Variants in ACSF3 observed in about 807,000 individuals in gnomAD.
ACSF3 encodes acyl-CoA synthetase family member 3.
A neutral mutation model predicts 53.2 loss-of-function variants in ACSF3; 78 were observed. The observed-to-expected ratio is 1.47, with a 90% CI of 1.22 to 1.77. The LOEUF is 1.77. Among genes scored for constraint, ACSF3 ranks in the 40% most tolerant of loss-of-function variants. The pLI is 0.00. For missense variants in ACSF3, 937 were observed against 771.1 expected (o/e 1.22, Z -2.55); for synonymous variants, 414 against 333.1 (o/e 1.24, Z -2.65).
chr16:89,099,071 C>T (rs574496019), intron 2 of ACSF3, among the ~76,000 whole-genome samples: 8 of 152,388 alleles, frequency 5.2e-5, no homozygotes, highest in African/African-American at 1.9e-4. Flanking sequence ...CCTATTCTTA[C>T]TGTGAGTCGA....
At chr16:89,154,014 GTACTGCTGGGCGCCTGAGTTCC>G in intron 10 of ACSF3, 54 bp from the exon 11 acceptor site, 1 of 1,482,544 alleles carries the variant, frequency 6.7e-7, no homozygotes, top group African/African-American at 1.4e-5. Context: ...GCACCTGTCC[GTACTGCTGGGCGCCTGAGTTCC>G]TCCTGCTGGG....
intron 9 of ACSF3, 102 bp from the exon 10 acceptor site, chr16:89,145,836 G>C: frequency 9.8e-7 from 1 of 1,022,078 alleles, no homozygotes; most frequent in Non-Finnish European, 1.6e-6. Flanking sequence ...CGGGCTCCAG[G>C]GCTGCGGCCA....
intron 1 of ACSF3, among the ~76,000 whole-genome samples, chr16:89,094,387 C>T (rs991855583): frequency 3.3e-5 from 5 of 152,230 alleles, no homozygotes; most frequent in African/African-American, 9.6e-5. Flanking sequence ...TAGTTGTTTG[C>T]TGCGTGCACC....
intron 7 of ACSF3, among the ~76,000 whole-genome samples, chr16:89,132,717 C>G (rs1734376704): frequency 6.6e-6 from 1 of 152,252 alleles, no homozygotes; most frequent in Non-Finnish European, 1.5e-5. Flanking sequence ...CTGCTGTGTT[C>G]CCTGGTTTGA....
chr16:89,113,812 G>T (rs1567701867), intron 5 of ACSF3: 1 of 238,732 alleles, frequency 4.2e-6, no homozygotes, highest in African/African-American at 2.3e-5. Context: ...TCTGCGGGTG[G>T]TTCTGAGCCC....
rs1162854474 is a variant in ACSF3, at chr16:89,136,594, GGA to G, written c.1366+3333_1366+3334del. 3.1e-6 allele frequency: 4 copies of G among 1,285,310 alleles called. No individual in the cohort carries two copies. In the African/African-American group the frequency reaches 6.1e-5, roughly 20 times the overall value. The allele number at this position is 1,285,310 out of a possible 1,614,324, so 79.6% of individuals were successfully genotyped here. A position where few individuals can be genotyped will look rare whatever the true frequency, so the allele number is the denominator to read the frequency against. On this transcript the variant is annotated intron_variant, in intron 8 of 10. Coordinates refer to ENST00000614302, the MANE Select transcript of ACSF3 (RefSeq NM_001243279.3). ...TCTGGCATAAGCCGGCGGGCACAGG[GGA>G]CAGCCAGGGATGGCTGGACACAGCT...
In ACSF3 at chr16:89,154,186, C is replaced by G. The variant is rs753754672; in HGVS notation, c.1710C>G (p.Ile570Met). Residue 570 changes from isoleucine (I) to methionine (M), a missense_variant, in exon 11 of 11, where the codon ATC becomes ATG. By Grantham distance (10) the Ile-to-Met change is conservative (BLOSUM62 1). Coordinates refer to ENST00000614302, the MANE Select transcript of ACSF3 (RefSeq NM_001243279.3). ...GCAAGATTGACAAGAAGGCGCTCAT[C>G]AGGCACTTCCACCCCTCATGACCCG... ...QMGKIDKKAL[I>M]RHFHPS 3 of 1,613,558 alleles carry G rather than the reference C, an allele frequency of 1.9e-6. No homozygotes were observed. Among genetic ancestry groups the G allele is most frequent in the Non-Finnish European group, 2.5e-6 (3 of 1,179,852 alleles).
Position 89,117,510 on chromosome 16 carries a change from A to G in ACSF3, c.1126+3023A>G, listed in dbSNP as rs548356452. On this transcript the variant is annotated intron_variant, in intron 6 of 10. Transcript: ENST00000614302. Reference sequence around the variant, plus strand: ...GGGAGTCATGAGCAGCCCAGGGACCACTGTCTACACCCAGGGAGTCAGGAG... The same window carrying G: ...GGGAGTCATGAGCAGCCCAGGGACCGCTGTCTACACCCAGGGAGTCAGGAG... 5.3e-5 allele frequency among the ~76,000 whole-genome samples: 8 copies of G among 151,156 alleles called. No homozygotes were observed. In the East Asian group the frequency reaches 5.8e-4, roughly 11 times the overall value.
At chr16:89,109,635 C>A (rs149484817) in intron 4 of ACSF3, among the ~76,000 whole-genome samples, 7 of 152,170 alleles carry the variant, frequency 4.6e-5, no homozygotes, top group African/African-American at 1.7e-4. Flanking sequence ...TGGTCTTGAA[C>A]TCCTGACCTC....
intron 8 of ACSF3, among the ~76,000 whole-genome samples, chr16:89,144,073 C>T (rs966636535): frequency 2.0e-5 from 3 of 152,248 alleles, no homozygotes; most frequent in African/African-American, 2.4e-5. Flanking sequence ...CTCACAGTCA[C>T]GCATACCGCG....
In ACSF3 at chr16:89,120,894, G is replaced by A; in HGVS notation, c.1220G>A (p.Gly407Glu). Reference sequence around the variant, plus strand: ...TGCTCCTACACCATCCACGCAGAGGGAGACGAGAGGGGGACCAAGGTAAGC... The same window carrying A: ...TGCTCCTACACCATCCACGCAGAGGAAGACGAGAGGGGGACCAAGGTAAGC... ...EACSYTIHAE[G>E]DERGTKVTPG... The change falls in exon 7 of 11, where the codon GGA becomes GAA. Residue 407 changes from glycine to glutamate, a missense_variant. Gly to Glu is a moderately conservative substitution (Grantham distance 98, BLOSUM62 -2). Transcript: ENST00000614302. 6.2e-7 allele frequency: 1 copy of A among 1,613,982 alleles called. No individual in the cohort carries two copies. Among genetic ancestry groups the A allele is most frequent in the Non-Finnish European group, 8.5e-7 (1 of 1,179,984 alleles).
Position 89,112,225 on chromosome 16 carries a change from C to T in ACSF3, c.956C>T (p.Ala319Val), listed in dbSNP as rs775253189. ...CCGCACGCCCAGGATTTCTTGCGTG[C>T]AGTTTGTGAAGAAAAAATTAGGTAA... ...TQPHAQDFLR[A>V]VCEEKIRLMV... The change falls in exon 5 of 11, where the codon GCA (alanine) becomes GTA (valine). Residue 319 changes from alanine to valine, a missense_variant. Ala to Val is a moderately conservative substitution (Grantham distance 64). Coordinates refer to ENST00000614302, the MANE Select transcript of ACSF3 (RefSeq NM_001243279.3). The T allele has an allele frequency of 6.2e-7, 1 of 1,614,058 alleles. No individual in the cohort carries two copies. The highest frequency in any genetic ancestry group is 8.5e-7 in the Non-Finnish European group (1 of 1,180,034).
At chr16:89,121,711 G>C (rs1248558174) in intron 7 of ACSF3, among the ~76,000 whole-genome samples, 1 of 152,196 alleles carries the variant, frequency 6.6e-6, no homozygotes, top group East Asian at 1.9e-4. Flanking sequence ...CCTTCTCTGT[G>C]ACACCATCTT....
intron 1 of ACSF3, among the ~76,000 whole-genome samples, chr16:89,095,598 C>CT (rs1199733454): frequency 2.2e-4 from 3 of 13,556 alleles, no homozygotes; most frequent in African/African-American, 1.5e-3. Flanking sequence ...AACACAAGGT[C>CT]TGGGGGGGCG....
In ACSF3 at chr16:89,109,862, C is replaced by T. The variant is rs189271181; in HGVS notation, c.823-2230C>T. On this transcript the variant is annotated intron_variant, in intron 4 of 10. Transcript: ENST00000614302. ...TCAGCCTCCCAAAGTGCCGGGATTA[C>T]GGGCATGAGCACTGCACCCAGTGCT... Among the ~76,000 whole-genome samples, 431 of 152,322 alleles carry T rather than the reference C, an allele frequency of 2.8e-3. 4 individuals carry two copies. The highest frequency in any genetic ancestry group is 9.7e-3 in the African/African-American group (403 of 41,572).
chr16:89,101,739 C>T (rs1975370762), intron 3 of ACSF3, among the ~76,000 whole-genome samples: 1 of 152,220 alleles, frequency 6.6e-6, no homozygotes, highest in Non-Finnish European at 1.5e-5. Context: ...GTCCTGTGAC[C>T]TCAGTCACAT....
At chr16:89,126,953 C>G (rs1908246119) in intron 7 of ACSF3, among the ~76,000 whole-genome samples, 1 of 152,064 alleles carries the variant, frequency 6.6e-6, no homozygotes, top group South Asian at 2.1e-4. Flanking sequence ...CTTTTTATCA[C>G]TAAATGTATG....
intron 7 of ACSF3, among the ~76,000 whole-genome samples, chr16:89,132,202 A>G (rs1408761859): frequency 2.0e-5 from 3 of 152,234 alleles, no homozygotes; most frequent in Non-Finnish European, 2.9e-5. Flanking sequence ...TCCATTCCAG[A>G]TGGCAGGTGA....
chr16:89,136,210 G>C (rs770313563), intron 8 of ACSF3, among the ~76,000 whole-genome samples: 1 of 152,272 alleles, frequency 6.6e-6, no homozygotes, highest in Non-Finnish European at 1.5e-5. Context: ...GAGATGCGGG[G>C]CTGCGAGCGT....
Sources: allele counts gnomAD v4.1 joint callset (sites outside exome capture counted in the v4.1 genomes callset), GRCh38; gene constraint gnomAD v4.1.1; transcripts MANE v1.5; gene names NCBI Gene and HGNC (gene_info 2026-07-23, HGNC 2026-07-21).